Variants in MEGF6 observed in about 807,000 individuals in gnomAD.
MEGF6 encodes the protein multiple EGF like domains 6.
MEGF6 carries 184 observed loss-of-function variants against 207.1 expected under a neutral mutation model. The ratio of observed to expected loss-of-function variants is 0.89; its 90% CI spans 0.79 to 1.00. MEGF6 has a LOEUF of 1.00. Ranked by LOEUF, MEGF6 falls within the 50% of genes least tolerant of loss-of-function variation. The pLI is 0.00. For synonymous variants in MEGF6, 1,038 were observed against 910.0 expected, an observed-to-expected ratio of 1.14 and a Z score of -2.53; for missense variants, 2,282 against 2,202.9, an observed-to-expected ratio of 1.04 and a Z score of -0.72.
chr1:3,578,806 C>T (rs973097095), intron 4 of MEGF6, among the ~76,000 whole-genome samples: 3 of 151,692 alleles, frequency 2.0e-5, no homozygotes, highest in Non-Finnish European at 2.9e-5. Context: ...TCAGCCTGGT[C>T]CCCAGCGGAA....
At chr1:3,545,946 C>T (rs755859510) in intron 4 of MEGF6, among the ~76,000 whole-genome samples, 2 of 152,200 alleles carry the variant, frequency 1.3e-5, no homozygotes, top group South Asian at 2.1e-4. Context: ...CTGGCCCCTG[C>T]CCCCCTCCAA....
chr1:3,522,193 C>T (rs1157079229), intron 5 of MEGF6, among the ~76,000 whole-genome samples: 1 of 152,212 alleles, frequency 6.6e-6, no homozygotes, highest in Non-Finnish European at 1.5e-5. Context: ...GAGGTCACTG[C>T]TCTGCATCCA....
chr1:3,516,852 C>T (rs1161880248), intron 5 of MEGF6, among the ~76,000 whole-genome samples: 2 of 152,202 alleles, frequency 1.3e-5, no homozygotes, highest in Admixed American at 1.3e-4. Context: ...TATTGGGGGT[C>T]GCAGTGATGG....
intron 4 of MEGF6, among the ~76,000 whole-genome samples, chr1:3,567,480 G>A (rs1466290981): frequency 1.3e-5 from 2 of 152,206 alleles, no homozygotes; most frequent in Non-Finnish European, 2.9e-5. Context: ...TTGATTGCAC[G>A]TGGGCTGCGT....
chr1:3,593,470 A>AC (rs1193377083), intron 3 of MEGF6, among the ~76,000 whole-genome samples: 1 of 21,096 alleles, frequency 4.7e-5, no homozygotes, highest in Non-Finnish European at 9.8e-5. Flanking sequence ...GGGCACCCCC[A>AC]CCCCCGCCCC....
intron 3 of MEGF6, among the ~76,000 whole-genome samples, chr1:3,580,371 C>T (rs1643765339): frequency 6.6e-6 from 1 of 152,192 alleles, no homozygotes; most frequent in Non-Finnish European, 1.5e-5. Flanking sequence ...ACTAGGTTGG[C>T]CCCAGCCCCG....
chr1:3,490,501 G>A lies in MEGF6; in HGVS notation c.*27C>T, dbSNP rs74050546. 6.2e-7 allele frequency: 1 copy of A among 1,611,864 alleles called. No individual in the cohort carries two copies. The highest frequency in any genetic ancestry group is 8.5e-7 in the Non-Finnish European group (1 of 1,179,438). On this transcript the variant is annotated 3_prime_UTR_variant, in exon 37 of 37. Transcript: ENST00000356575. ...AGGGTCCCCTCTGGCTGGGACTGGA[G>A]AGGCGGGCTCCACGGGACTGCCTCT... is the stretch of plus-strand genomic sequence containing the variant.
Position 3,564,778 on chromosome 1 carries a change from C to T in MEGF6, c.481+15047G>A, listed in dbSNP as rs1335290378. 1.3e-5 allele frequency among the ~76,000 whole-genome samples: 2 copies of T among 152,190 alleles called. 1 individual carries two copies. Among genetic ancestry groups the T allele is most frequent in the Non-Finnish European group, 2.9e-5 (2 of 68,038 alleles). On this transcript the variant is annotated intron_variant, in intron 4 of 36. Transcript: ENST00000356575. ...CAAACCCACTCTGCACCAGGCTCCCCCAAAGCTGGGGACGGGCCCCCTTCA... is the reference window on the plus strand; with the variant it reads ...CAAACCCACTCTGCACCAGGCTCCCTCAAAGCTGGGGACGGGCCCCCTTCA...
intron 1 of MEGF6, among the ~76,000 whole-genome samples, chr1:3,603,975 C>T (rs2794355): frequency 0.9 from 136,923 of 152,254 alleles, 62,406 homozygotes; most frequent in East Asian, 0.98. Flanking sequence ...CCAGAAAGCA[C>T]AGACCCAACA....
Position 3,494,021 on chromosome 1 carries a change from G to T in MEGF6, c.4233C>A (p.Gly1411=). ...PISGRCLCPA[G]FHGHFCERGC... ...CCCTCTCACAGAAGTGGCCGTGGAA[G>T]CCGGCAGGGCAGAGGCATCGGCCAC... is the stretch of plus-strand genomic sequence containing the variant. Residue 1411 remains glycine (G), a synonymous_variant, in exon 33 of 37, where the codon GGC becomes GGA. Coordinates refer to ENST00000356575, the MANE Select transcript of MEGF6 (RefSeq NM_001409.4). 1 of 1,607,660 alleles carries T rather than the reference G, an allele frequency of 6.2e-7. No individual in the cohort carries two copies. Among genetic ancestry groups the T allele is most frequent in the South Asian group, 1.1e-5 (1 of 90,392 alleles).
intron 3 of MEGF6, among the ~76,000 whole-genome samples, 168 bp downstream of exon 3, chr1:3,595,170 G>A (rs1265054069): frequency 2.6e-5 from 4 of 152,252 alleles, no homozygotes; most frequent in African/African-American, 9.6e-5. Context: ...CCTCGCTGAC[G>A]TCGCTTTTGC....
At position 3,515,414 on chromosome 1, in the gene MEGF6, T is replaced by C; in HGVS notation, c.718A>G (p.Arg240Gly). 1 of 1,611,842 alleles carries C rather than the reference T, an allele frequency of 6.2e-7. No homozygotes were observed. Among genetic ancestry groups the C allele is most frequent in the Non-Finnish European group, 8.5e-7 (1 of 1,179,606 alleles). ...TGGCAGCACTCACGGACACAATGCC[T>C]GCCGTCCTCCTGGAGCTGGAACCCG... The part of the protein sequence containing the change: ...RPGFQLQEDG[R>G]HCVRRSPCAN... The change falls in exon 6 of 37, where the codon AGG becomes GGG. Residue 240 changes from arginine (R) to glycine (G), a missense_variant. Transcript: ENST00000356575.
chr1:3,582,241 G>A (rs981224023), intron 3 of MEGF6, among the ~76,000 whole-genome samples: 3 of 152,202 alleles, frequency 2.0e-5, no homozygotes, highest in African/African-American at 7.2e-5. Flanking sequence ...GTCCCAGGCT[G>A]GGAGGGTACA....
chr1:3,612,110 G>A (rs1539126), upstream of MEGF6, among the ~76,000 whole-genome samples: 82,004 of 152,160 alleles, frequency 0.54, 23,911 homozygotes, highest in Non-Finnish European at 0.66. Context: ...GCCAGCCTCT[G>A]CAGCCCGCGT....
intron 4 of MEGF6, among the ~76,000 whole-genome samples, chr1:3,538,337 C>G (rs950861554): frequency 6.6e-6 from 1 of 152,222 alleles, no homozygotes; most frequent in Non-Finnish European, 1.5e-5. Flanking sequence ...GGCCCCCACC[C>G]GGCCTCAGAG....
At chr1:3,528,025 T>G (rs1451914678) in intron 4 of MEGF6, among the ~76,000 whole-genome samples, 2 of 152,172 alleles carry the variant, frequency 1.3e-5, no homozygotes, top group Non-Finnish European at 2.9e-5. Flanking sequence ...AGACAGGGCC[T>G]GGGTGGGGGT....
At chr1:3,509,746 G>A in intron 11 of MEGF6, 124 bp downstream of exon 11, 3 of 1,334,364 alleles carry the variant, frequency 2.2e-6, no homozygotes, top group Non-Finnish European at 3.0e-6. Context: ...GGCCCAGAGA[G>A]GCCAGGGGGC....
In MEGF6 at chr1:3,499,809, G is replaced by A. The variant is rs1328260257; in HGVS notation, c.2823C>T (p.Thr941=). The A allele has an allele frequency of 6.4e-7, 1 of 1,557,232 alleles. No individual in the cohort carries two copies. The highest frequency in any genetic ancestry group is 1.9e-5 in the Admixed American group (1 of 52,020). The part of the protein sequence containing the change: ...ACTCPAGWRG[T]FCEHACPAGF... ...GCCGTAGCTCACCATGCTCGCAGAA[G>A]GTGCCCCTCCAGCCGGCCGGGCAGG... Residue 941 remains threonine, a synonymous_variant, in exon 22 of 37, where the codon ACC becomes ACT. Transcript: ENST00000356575.
chr1:3,594,910 C>T lies in MEGF6; in HGVS notation c.376+428G>A, dbSNP rs941280798. 6.6e-6 allele frequency among the ~76,000 whole-genome samples: 1 copy of T among 152,154 alleles called. No individual in the cohort carries two copies. Among genetic ancestry groups the T allele is most frequent in the East Asian group, 1.9e-4 (1 of 5,180 alleles). On this transcript the variant is annotated intron_variant, in intron 3 of 36. Transcript: ENST00000356575. This position sits in a 1 kb window ranked among gnomAD's most constrained non-coding sequence, Gnocchi z 4.2. ...TGAAGCTGAGGCCCGCCACCCGGCC[C>T]GGATTGGCCTTGGGAGAACACGGTA...
Sources: gnomAD v4.1 joint callset for allele counts (sites outside exome capture counted in the v4.1 genomes callset) on GRCh38, gnomAD v4.1.1 for gene constraint, Gnocchi (gnomAD v3.1) non-coding constraint, MANE v1.5 for transcripts, NCBI Gene and HGNC (gene_info 2026-07-23, HGNC 2026-07-21) for gene names.